The following RUBCNL variants were observed in gnomAD, a reference collection of about 807,000 sequenced individuals.
RUBCNL encodes the protein protein associated with UVRAG as autophagy enhancer.
RUBCNL carries 62 observed loss-of-function variants against 69.5 expected under a neutral mutation model. The observed-to-expected ratio is 0.89, with a 90% confidence interval of 0.73 to 1.10. RUBCNL has a LOEUF of 1.10. Among genes scored for constraint, RUBCNL ranks in the 50% least tolerant of loss-of-function variants. The pLI is 0.00. For synonymous variants in RUBCNL, 291 were observed against 303.6 expected, an observed-to-expected ratio of 0.96 and a Z score of 0.43; for missense variants, 768 against 798.1, an observed-to-expected ratio of 0.96 and a Z score of 0.45.
At position 46,341,701 on chromosome 13, in the gene RUBCNL, T is replaced by G. The variant is rs891041035; in HGVS notation, c.*1684A>C. ...AAAACACTCTGCCCAATGCCACTTCTGCAAGTTGGAGCAACACTTACCAGT... is the reference window on the plus strand; with the variant it reads ...AAAACACTCTGCCCAATGCCACTTCGGCAAGTTGGAGCAACACTTACCAGT... On this transcript the variant is annotated 3_prime_UTR_variant, in exon 15 of 15. Transcript: ENST00000429979. 6.6e-6 allele frequency among the ~76,000 whole-genome samples: 1 copy of G among 152,258 alleles called. No homozygotes were observed. The highest frequency in any genetic ancestry group is 6.5e-5 in the Admixed American group (1 of 15,292).
chr13:46,373,327 G>C (rs556959770), intron 2 of RUBCNL, among the ~76,000 whole-genome samples: 30 of 152,248 alleles, frequency 2.0e-4, no homozygotes, highest in African/African-American at 7.0e-4. Flanking sequence ...CAACAAAGTA[G>C]GCAAAGTGGT....
chr13:46,365,918 G>C (rs568861012), intron 5 of RUBCNL, among the ~76,000 whole-genome samples: 2 of 152,144 alleles, frequency 1.3e-5, no homozygotes, highest in Admixed American at 6.5e-5. Flanking sequence ...AAACCAAATC[G>C]GTATTAAAGA....
rs1389185625 is a variant in RUBCNL at position 46,375,259 on chromosome 13, G to A, written c.-123+2631C>T. ...TTAAGAGCTAGAGAAAAGACCGGGC[G>A]CAGTGGCTCATGCCTATAATCCCAG... On this transcript the variant is annotated intron_variant, in intron 2 of 14. Transcript: ENST00000429979. Among the ~76,000 whole-genome samples the A allele has an allele frequency of 2.6e-5, 4 of 152,186 alleles. No homozygotes were observed. In the East Asian group the frequency reaches 5.8e-4, roughly 22 times the overall value.
At chr13:46,368,278 A>T in intron 4 of RUBCNL, 29 bp from the exon 5 acceptor site, 13 of 1,586,350 alleles carry the variant, frequency 8.2e-6, no homozygotes, top group Non-Finnish European at 1.0e-5. Flanking sequence ...ATTAAAATAC[A>T]AGCATAATCA....
intron 2 of RUBCNL, among the ~76,000 whole-genome samples, chr13:46,375,600 A>G (rs2048975240): frequency 6.6e-6 from 1 of 152,224 alleles, no homozygotes; most frequent in Non-Finnish European, 1.5e-5. Flanking sequence ...TTAATGGGGC[A>G]GAATTACTCA....
At position 46,338,441 on chromosome 13, in the gene RUBCNL, C is replaced by T. The variant is rs536476279; in HGVS notation, c.*4944G>A. ...AGCAGCGCAGTTCACTTTCAGGAGG[C>T]TGGACCAGGGGAAAGACCTGAGCAG... is the stretch of plus-strand genomic sequence containing the variant. On this transcript the variant is annotated 3_prime_UTR_variant, in exon 15 of 15. Coordinates refer to ENST00000429979, the MANE Select transcript of RUBCNL (RefSeq NM_025113.5). Among the ~76,000 whole-genome samples the T allele has an allele frequency of 2.6e-4, 39 of 152,184 alleles. No homozygotes were observed. In the East Asian group the frequency reaches 7.2e-3, roughly 28 times the overall value.
rs201645593 is a variant in RUBCNL at position 46,350,272 on chromosome 13, G to A, written c.1410C>T (p.Cys470=). The A allele has an allele frequency of 3.1e-6, 5 of 1,587,324 alleles. No individual in the cohort carries two copies. In the East Asian group the frequency reaches 9.1e-5, roughly 29 times the overall value. The change falls in exon 11 of 15, where the codon TGC becomes TGT. Residue 470 remains cysteine, a synonymous_variant. Transcript: ENST00000429979. ...CDCCHSYAES[C]IPARILMMWD... ...ACATCATCAGGATTCGGGCAGGGATGCACGACTCTGCATATGAGTGGCAGC... is the reference window on the plus strand; with the variant it reads ...ACATCATCAGGATTCGGGCAGGGATACACGACTCTGCATATGAGTGGCAGC...
chr13:46,363,052 T>C, intron 6 of RUBCNL, 63 bp downstream of exon 6: 2 of 855,184 alleles, frequency 2.3e-6, no homozygotes. Flanking sequence ...TGCATGTTAG[T>C]GTGTGTATGC....
In RUBCNL at chr13:46,348,880, G is replaced by A. The variant is rs796192286; in HGVS notation, c.1631+406C>T. ...GCCTCCCAAAGTACTGGGATTACAG[G>A]TGTGAGCCACCGTGCCTGGCTGATC... On this transcript the variant is annotated intron_variant, in intron 12 of 14. Coordinates refer to ENST00000429979, the MANE Select transcript of RUBCNL (RefSeq NM_025113.5). 1.1e-4 allele frequency among the ~76,000 whole-genome samples: 17 copies of A among 152,278 alleles called. 1 individual carries two copies. The highest frequency in any genetic ancestry group is 4.1e-4 in the African/African-American group (17 of 41,558).
chr13:46,363,678 C>A (rs2048682924), intron 5 of RUBCNL, among the ~76,000 whole-genome samples: 1 of 151,700 alleles, frequency 6.6e-6, no homozygotes, highest in African/African-American at 2.4e-5. Flanking sequence ...CATGGCAGAA[C>A]CCCCGTCTCT....
At chr13:46,360,552 C>T (rs2048587903) in intron 8 of RUBCNL, among the ~76,000 whole-genome samples, 1 of 152,176 alleles carries the variant, frequency 6.6e-6, no homozygotes, top group Non-Finnish European at 1.5e-5. Context: ...TCCCCTTTGC[C>T]AAGAACGTCC....
At chr13:46,382,812 G>A (rs2049149166) in intron 1 of RUBCNL, among the ~76,000 whole-genome samples, 1 of 152,202 alleles carries the variant, frequency 6.6e-6, no homozygotes, top group South Asian at 2.1e-4. Flanking sequence ...TGGGATTACA[G>A]GCATGAGCCA....
intron 12 of RUBCNL, among the ~76,000 whole-genome samples, chr13:46,347,051 C>T (rs753119775): frequency 1.3e-5 from 2 of 152,146 alleles, no homozygotes; most frequent in African/African-American, 4.8e-5. Context: ...TCGCAGGACA[C>T]TGAGGTTTGG....
chr13:46,387,346 T>C, upstream of RUBCNL: 1 of 985,042 alleles, frequency 1.0e-6, no homozygotes, highest in Non-Finnish European at 1.2e-6. Flanking sequence ...CTCTAGAAGC[T>C]CCTCAGGGAA....
At chr13:46,360,215 C>T (rs1440192220) in intron 8 of RUBCNL, among the ~76,000 whole-genome samples, 2 of 152,010 alleles carry the variant, frequency 1.3e-5, no homozygotes, top group African/African-American at 4.8e-5. Flanking sequence ...ATAGTGAAAC[C>T]CTGTCTCTAC....
chr13:46,335,260 GTTT>G lies in RUBCNL; in HGVS notation c.*8122_*8124del, dbSNP rs764458781. Reference sequence around the variant, plus strand: ...GTGTCTTTTTGTTGTTGTTGTTGTTGTTTTTTTTTTTTTTTTTTTTTTTTTAAG... The same window carrying G: ...GTGTCTTTTTGTTGTTGTTGTTGTTGTTTTTTTTTTTTTTTTTTTTTTAAG... On this transcript the variant is annotated 3_prime_UTR_variant, in exon 15 of 15. Coordinates refer to ENST00000429979, the MANE Select transcript of RUBCNL (RefSeq NM_025113.5). Among the ~76,000 whole-genome samples the G allele has an allele frequency of 3.3e-4, 34 of 101,904 alleles. No individual in the cohort carries two copies. The highest frequency in any genetic ancestry group is 1.2e-3 in the African/African-American group (29 of 23,546). The allele number at this position is 101,904 out of a possible 152,430, so 66.9% of individuals were successfully genotyped here.
chr13:46,341,723 C>T lies in RUBCNL; in HGVS notation c.*1662G>A, dbSNP rs1334235787. 6.6e-6 allele frequency among the ~76,000 whole-genome samples: 1 copy of T among 152,228 alleles called. No individual in the cohort carries two copies. The highest frequency in any genetic ancestry group is 1.5e-5 in the Non-Finnish European group (1 of 68,036). ...TTCTGCAAGTTGGAGCAACACTTAC[C>T]AGTTAAGGTTGTTTTTACTCCTTTG... On this transcript the variant is annotated 3_prime_UTR_variant, in exon 15 of 15. Coordinates refer to ENST00000429979, the MANE Select transcript of RUBCNL (RefSeq NM_025113.5).
chr13:46,388,199 CAAAAAAAA>C (rs71074779), upstream of RUBCNL, among the ~76,000 whole-genome samples: 1 of 68,202 alleles, frequency 1.5e-5, no homozygotes, highest in Non-Finnish European at 2.5e-5. Context: ...GCAAGACTGT[CAAAAAAAA>C]AAAAAAAAAA....
chr13:46,387,404 A>C (rs1446415149), upstream of RUBCNL: 1 of 985,300 alleles, frequency 1.0e-6, no homozygotes, highest in Non-Finnish European at 1.2e-6. Context: ...CCCAGATGGA[A>C]GAAACTCTGG....
Sources: gnomAD v4.1 joint callset for allele counts (sites outside exome capture counted in the v4.1 genomes callset) on GRCh38, gnomAD v4.1.1 for gene constraint, MANE v1.5 for transcripts, NCBI Gene and HGNC (gene_info 2026-07-23, HGNC 2026-07-21) for gene names.